OR7E24: variants seen among roughly 807,000 people sequenced by gnomAD.
OR7E24 encodes olfactory receptor family 7 subfamily E member 24, also known as olfactory receptor 7E24.
For missense variants in OR7E24, 385 were observed against 410.3 expected, an observed-to-expected ratio of 0.94 and a Z score of 0.53; for synonymous variants, 130 against 157.5, an observed-to-expected ratio of 0.83 and a Z score of 1.31.
At chr19:9,219,346 C>T in the OR7E24 span, 6 of 152,196 alleles carry the variant, frequency 3.9e-5, no homozygotes, top group Non-Finnish European at 7.4e-5. Context: ...GCCCTGGATT[C>T]CAAGGAGTGA....
the OR7E24 span, chr19:9,235,978 G>A: frequency 2.1e-5 from 34 of 1,611,640 alleles, no homozygotes; most frequent in Middle Eastern, 1.6e-4. Context: ...AGTGATGTAC[G>A]CCATGGTCAC....
At chr19:9,218,547 A>C in the OR7E24 span, among the ~76,000 whole-genome samples, 1 of 152,214 alleles carries the variant, frequency 6.6e-6, no homozygotes, top group African/African-American at 2.4e-5. Context: ...GCTATGTTAA[A>C]ACAGTAAGGG....
At chr19:9,242,770 G>A (rs2066119576), upstream of OR7E24, among the ~76,000 whole-genome samples, 1 of 152,090 alleles carries the variant, frequency 6.6e-6, no homozygotes, top group South Asian at 2.1e-4. Flanking sequence ...GAACTGCCTA[G>A]AATAACTGAG....
At chr19:9,212,466 C>A in the OR7E24 span, 133 of 151,856 alleles carry the variant, frequency 8.8e-4, 1 homozygote, top group African/African-American at 3.1e-3. Context: ...TCTTTTGATA[C>A]CATCAAAATG....
the OR7E24 span, among the ~76,000 whole-genome samples, chr19:9,237,486 AT>A: frequency 1.9e-4 from 27 of 145,018 alleles, no homozygotes; most frequent in East Asian, 1.6e-3. Flanking sequence ...AATTTTTTGT[AT>A]TTTTTTTTTA....
chr19:9,226,038 T>C, the OR7E24 span, among the ~76,000 whole-genome samples: 1 of 152,186 alleles, frequency 6.6e-6, no homozygotes, highest in African/African-American at 2.4e-5. Context: ...CCTTCCTGTG[T>C]CCACAATGAC....
chr19:9,232,094 G>GA, the OR7E24 span, among the ~76,000 whole-genome samples: 8 of 152,208 alleles, frequency 5.3e-5, no homozygotes, highest in East Asian at 9.7e-4. Context: ...AGAGCAGCCT[G>GA]AAAAAATCAA....
upstream of OR7E24, among the ~76,000 whole-genome samples, chr19:9,248,554 GC>G (rs2066136833): frequency 6.6e-6 from 1 of 152,032 alleles, no homozygotes; most frequent in Non-Finnish European, 1.5e-5. Context: ...TCCCTTTGGG[GC>G]TTCCTGGTAG....
chr19:9,229,872 G>A, the OR7E24 span, among the ~76,000 whole-genome samples: 5 of 152,070 alleles, frequency 3.3e-5, no homozygotes, highest in African/African-American at 9.7e-5. Flanking sequence ...ACACAATTGG[G>A]TTTAACAGGG....
the OR7E24 span, among the ~76,000 whole-genome samples, chr19:9,239,174 CT>C: frequency 2.1e-3 from 313 of 145,844 alleles, 1 homozygote; most frequent in Middle Eastern, 3.5e-3. Flanking sequence ...TACAATTCAA[CT>C]TTTTTTTTTT....
chr19:9,244,331 C>G (rs1221475246), upstream of OR7E24, among the ~76,000 whole-genome samples: 1 of 152,114 alleles, frequency 6.6e-6, no homozygotes, highest in Non-Finnish European at 1.5e-5. Flanking sequence ...CAGTGTGGTA[C>G]TATAATACAT....
upstream of OR7E24, among the ~76,000 whole-genome samples, chr19:9,247,917 AT>A (rs373720273): frequency 2.1e-3 from 313 of 152,238 alleles, 2 homozygotes; most frequent in African/African-American, 7.3e-3. Flanking sequence ...CTTTAGAGAA[AT>A]GATTATTGAA....
upstream of OR7E24, chr19:9,250,834 C>T (rs2066143258): frequency 2.4e-6 from 1 of 409,682 alleles, no homozygotes; most frequent in South Asian, 6.0e-5. Context: ...AATGTTTTTG[C>T]TCTCCTAACA....
At chr19:9,250,839 C>A, upstream of OR7E24, 1 of 461,900 alleles carries the variant, frequency 2.2e-6, no homozygotes, top group South Asian at 4.1e-5. Context: ...TTTTGCTCTC[C>A]TAACATTCTT....
the OR7E24 span, chr19:9,214,483 C>T: frequency 2.5e-6 from 4 of 1,614,054 alleles, no homozygotes; most frequent in Admixed American, 1.7e-5. Flanking sequence ...CGGTCATAGG[C>T]CATCACGGCC....
At chr19:9,234,655 T>C in the OR7E24 span, among the ~76,000 whole-genome samples, 3 of 152,178 alleles carry the variant, frequency 2.0e-5, no homozygotes, top group Non-Finnish European at 4.4e-5. Flanking sequence ...TATTATGTAT[T>C]CTATGCATGT....
At position 9,251,197 on chromosome 19, in the gene OR7E24, A is replaced by G. The variant is rs1371674217; in HGVS notation, c.154A>G (p.Met52Val). Residue 52 changes from methionine to valine, a missense_variant, in exon 1 of 1, where the codon ATG becomes GTG. Transcript: ENST00000456448. Reference sequence around the variant, plus strand: ...GGTCCTCGCTGGGCTGTTCCTGTCCATGTACCTGGTCACGGTGCTGGGGAA... The same window carrying G: ...GGTCCTCGCTGGGCTGTTCCTGTCCGTGTACCTGGTCACGGTGCTGGGGAA... ...QPVLAGLFLSMYLVTVLGNLL... is the reference protein window; with the variant it reads ...QPVLAGLFLSVYLVTVLGNLL... 6.2e-7 allele frequency: 1 copy of G among 1,613,946 alleles called. No individual in the cohort carries two copies. The highest frequency in any genetic ancestry group is 8.5e-7 in the Non-Finnish European group (1 of 1,179,990).
At chr19:9,218,380 G>A in the OR7E24 span, among the ~76,000 whole-genome samples, 2 of 152,220 alleles carry the variant, frequency 1.3e-5, no homozygotes, top group South Asian at 4.2e-4. Flanking sequence ...ACAAAAACAG[G>A]TCAGTAAAGA....
chr19:9,208,816 C>G, the OR7E24 span: 3 of 151,964 alleles, frequency 2.0e-5, no homozygotes, highest in South Asian at 2.1e-4. Flanking sequence ...CTCAGCCTCC[C>G]AAGTAGCTGG....
Sources: gnomAD v4.1 joint callset for allele counts (sites outside exome capture counted in the v4.1 genomes callset) on GRCh38, gnomAD v4.1.1 for gene constraint, MANE v1.5 for transcripts, NCBI Gene and HGNC (gene_info 2026-07-23, HGNC 2026-07-21) for gene names.